CEP78: variants seen among roughly 807,000 people sequenced by gnomAD.
CEP78 encodes the protein centrosomal protein of 78 kDa.
In CEP78, 76 loss-of-function variants were observed where a neutral mutation model predicts 81.2. That is an observed-to-expected ratio of 0.94 (90% CI 0.78 to 1.13). The LOEUF (loss-of-function observed/expected upper bound fraction) is 1.13, where lower values mean the gene tolerates loss of function less well. Ranked by LOEUF, CEP78 falls within the 50% of genes most tolerant of loss-of-function variation. The probability of loss-of-function intolerance (pLI) is 0.00; values close to 1 mark genes in which losing one functional copy is unlikely to be tolerated. For missense variants in CEP78, 918 were observed against 846.8 expected (o/e 1.08, Z -1.04); for synonymous variants, 293 against 301.4 (o/e 0.97, Z 0.29).
Position 78,266,691 on chromosome 9 carries a change from A to C in CEP78, c.2095A>C (p.Lys699Gln), listed in dbSNP as rs747830661. The C allele has an allele frequency of 3.7e-6, 6 of 1,612,234 alleles. No individual in the cohort carries two copies. The highest frequency in any genetic ancestry group is 5.1e-6 in the Non-Finnish European group (6 of 1,179,116). Residue 699 changes from lysine to glutamine, a missense_variant, in exon 16 of 17, where the codon AAG (lysine) becomes CAG (glutamine). Physicochemically the swap from Lys to Gln is moderately conservative, Grantham distance 53. Transcript: ENST00000643273. ...AAATAGCAGATCTTCTTCAGAGAAA[A>C]AGACCAAAACAGGTGAATATACCAA... ...SRNSRSSSEK[K>Q]TKTESH
At chr9:78,255,421 A>G (rs1010219269) in intron 11 of CEP78, among the ~76,000 whole-genome samples, 3 of 152,042 alleles carry the variant, frequency 2.0e-5, no homozygotes, top group East Asian at 1.9e-4. Context: ...TTTTTTATAT[A>G]CTTACATGTA....
At chr9:78,252,797 A>G (rs548128076) in intron 9 of CEP78, among the ~76,000 whole-genome samples, 42 of 152,326 alleles carry the variant, frequency 2.8e-4, no homozygotes, top group Non-Finnish European at 4.9e-4. Flanking sequence ...GACTATACTT[A>G]TTTCACAACT....
chr9:78,267,431 C>T (rs1827589353), intron 16 of CEP78, among the ~76,000 whole-genome samples: 1 of 152,152 alleles, frequency 6.6e-6, no homozygotes, highest in African/African-American at 2.4e-5. Context: ...TTGACATATT[C>T]TAATATATAA....
chr9:78,247,466 A>G (rs531653670), intron 6 of CEP78, among the ~76,000 whole-genome samples: 8 of 152,282 alleles, frequency 5.3e-5, no homozygotes, highest in African/African-American at 1.4e-4. Flanking sequence ...AAGAAGGCCA[A>G]TATGGTTGGG....
At chr9:78,248,675 A>T (rs1336897007) in intron 7 of CEP78, 87 bp from the exon 8 acceptor site, 1 of 735,128 alleles carries the variant, frequency 1.4e-6, no homozygotes, top group African/African-American at 1.8e-5. Flanking sequence ...TTTTATTAAC[A>T]TAGAGTATCT....
At chr9:78,258,578 ATAAG>A (rs1479795834) in intron 11 of CEP78, among the ~76,000 whole-genome samples, 1 of 152,220 alleles carries the variant, frequency 6.6e-6, no homozygotes, top group Admixed American at 6.5e-5. Flanking sequence ...AAGTAAGTAA[ATAAG>A]TAAGAATGAA....
In CEP78 at chr9:78,265,886, A is replaced by T. The variant is rs371411793; in HGVS notation, c.1825A>T (p.Asn609Tyr). Residue 609 changes from asparagine (N) to tyrosine (Y), a missense_variant, in exon 15 of 17, where the codon AAT becomes TAT. By Grantham distance (143) the Asn-to-Tyr change is moderately radical. Transcript: ENST00000643273. ...QVSICMQSAYNEGTLMKFQKI... is the reference protein window; with the variant it reads ...QVSICMQSAYYEGTLMKFQKI... ...TTCTATTTGTATGCAGTCAGCTTAC[A>T]ATGAAGGAACACTAATGAAGGTACA... 7.2e-7 allele frequency: 1 copy of T among 1,398,208 alleles called. No homozygotes were observed. The highest frequency in any genetic ancestry group is 9.9e-7 in the Non-Finnish European group (1 of 1,006,778). 86.6% of individuals were successfully genotyped at this position (1,398,208 alleles called of 1,614,324 possible).
Position 78,236,396 on chromosome 9 carries a change from T to C in CEP78, c.46T>C (p.Phe16Leu). Residue 16 changes from phenylalanine (F) to leucine (L), a missense_variant, in exon 1 of 17, where the codon TTC (phenylalanine) becomes CTC (leucine). Coordinates refer to ENST00000643273, the MANE Select transcript of CEP78 (RefSeq NM_001330691.3). ...GCGCCGCGACAGCGCGGCGGACTTC[T>C]TCTCCCACTACGAGTACCTGTGCGC... ...KLRRDSAADF[F>L]SHYEYLCALQ... 6.3e-7 allele frequency: 1 copy of C among 1,595,628 alleles called. No homozygotes were observed. Among genetic ancestry groups the C allele is most frequent in the South Asian group, 1.1e-5 (1 of 88,498 alleles).
In CEP78 at chr9:78,248,800, C is replaced by G; in HGVS notation, c.996C>G (p.Ser332=). ...CTTCTCCATCAGTGAAGGAACCATC[C>G]AAAACTGCTAAACAGAAAAGGAGAA... The part of the protein sequence containing the change: ...WITSPSVKEP[S]KTAKQKRRTI... The change falls in exon 8 of 17, where the codon TCC becomes TCG. Residue 332 remains serine (S), a synonymous_variant. Coordinates refer to ENST00000643273, the MANE Select transcript of CEP78 (RefSeq NM_001330691.3). 1 of 1,597,530 alleles carries G rather than the reference C, an allele frequency of 6.3e-7. No homozygotes were observed. Among genetic ancestry groups the G allele is most frequent in the Non-Finnish European group, 8.5e-7 (1 of 1,172,276 alleles).
intron 3 of CEP78, among the ~76,000 whole-genome samples, chr9:78,241,273 G>A (rs759348745): frequency 6.6e-6 from 1 of 152,122 alleles, no homozygotes; most frequent in Non-Finnish European, 1.5e-5. Context: ...AGTACATTAG[G>A]TGCTCTAGTA....
In CEP78 at chr9:78,272,042, CT is replaced by C. The variant is rs1452580148; in HGVS notation, c.*1192del. 2.0e-5 allele frequency: 3 copies of C among 152,262 alleles called. No homozygotes were observed. Among genetic ancestry groups the C allele is most frequent in the Non-Finnish European group, 4.4e-5 (3 of 68,120 alleles). The allele number at this position is 152,262 out of a possible 1,614,324, so 9.4% of individuals were successfully genotyped here. On this transcript the variant is annotated 3_prime_UTR_variant, in exon 17 of 17. Transcript: ENST00000643273. ...AAGTGATCTTCCTGCCTCAGCCCCCCTAGTAACTGGGATTACAGGCACACAC... is the reference window on the plus strand; with the variant it reads ...AAGTGATCTTCCTGCCTCAGCCCCCCAGTAACTGGGATTACAGGCACACAC...
At chr9:78,265,956 ACAGG>A (rs1371317007) in intron 15 of CEP78, 50 bp downstream of exon 15, 1 of 892,434 alleles carries the variant, frequency 1.1e-6, no homozygotes, top group East Asian at 2.6e-5. Context: ...TTCATATATA[ACAGG>A]CAGTATATTA....
intron 13 of CEP78, among the ~76,000 whole-genome samples, chr9:78,264,811 G>A (rs1418201225): frequency 6.6e-6 from 1 of 152,126 alleles, no homozygotes; most frequent in African/African-American, 2.4e-5. Flanking sequence ...TTAAAATTAA[G>A]TTTGAGATAT....
chr9:78,249,824 A>C (rs575668091), intron 8 of CEP78: 1 of 153,048 alleles, frequency 6.5e-6, no homozygotes, highest in Non-Finnish European at 1.5e-5. Flanking sequence ...CATGAAGACT[A>C]CTACAGAGAA....
intron 11 of CEP78, among the ~76,000 whole-genome samples, chr9:78,259,693 A>G (rs1281472168): frequency 1.3e-5 from 2 of 152,170 alleles, no homozygotes; most frequent in Non-Finnish European, 2.9e-5. Flanking sequence ...TGATACATGA[A>G]TTTATCTCCA....
Position 78,259,608 on chromosome 9 carries a change from G to A in CEP78, c.1381-3299G>A, listed in dbSNP as rs562417139. 3.9e-5 allele frequency among the ~76,000 whole-genome samples: 6 copies of A among 152,212 alleles called. No homozygotes were observed. The South Asian group carries it at 8.3e-4, about 21-fold the overall frequency. On this transcript the variant is annotated intron_variant, in intron 11 of 16. Transcript: ENST00000643273. Reference sequence around the variant, plus strand: ...CTGTTCGTATGTTTATTCATTTTGCGTTGATCATATTTTGTACACCAGGCA... The same window carrying A: ...CTGTTCGTATGTTTATTCATTTTGCATTGATCATATTTTGTACACCAGGCA...
chr9:78,236,406 A>T lies in CEP78; in HGVS notation c.56A>T (p.Tyr19Phe). 1 of 1,597,538 alleles carries T rather than the reference A, an allele frequency of 6.3e-7. No homozygotes were observed. The highest frequency in any genetic ancestry group is 8.5e-7 in the Non-Finnish European group (1 of 1,172,852). Residue 19 changes from tyrosine to phenylalanine, a missense_variant, in exon 1 of 17, where the codon TAC (tyrosine) becomes TTC (phenylalanine). By Grantham distance (22) the Tyr-to-Phe change is conservative (BLOSUM62 3). Transcript: ENST00000643273. ...RDSAADFFSH[Y>F]EYLCALQNSV... Reference sequence around the variant, plus strand: ...AGCGCGGCGGACTTCTTCTCCCACTACGAGTACCTGTGCGCGCTGCAGAAC... The same window carrying T: ...AGCGCGGCGGACTTCTTCTCCCACTTCGAGTACCTGTGCGCGCTGCAGAAC...
chr9:78,263,699 G>A lies in CEP78; in HGVS notation c.1459-451G>A, dbSNP rs762524870. Among the ~76,000 whole-genome samples, 4 of 152,092 alleles carry A rather than the reference G, an allele frequency of 2.6e-5. No individual in the cohort carries two copies. The South Asian group carries it at 8.3e-4, about 31-fold the overall frequency. Reference sequence around the variant, plus strand: ...ACAGGAGAGTACATATTTTCAAGAAGCAAAGGGGCAATATTGGTAATTGTA... The same window carrying A: ...ACAGGAGAGTACATATTTTCAAGAAACAAAGGGGCAATATTGGTAATTGTA... On this transcript the variant is annotated intron_variant, in intron 12 of 16. Coordinates refer to ENST00000643273, the MANE Select transcript of CEP78 (RefSeq NM_001330691.3).
chr9:78,251,879 ATTCT>A, intron 8 of CEP78, 25 bp from the exon 9 acceptor site: 2 of 1,590,446 alleles, frequency 1.3e-6, no homozygotes, highest in Non-Finnish European at 1.7e-6. Flanking sequence ...GTGCATCTTG[ATTCT>A]TTCTTTTTAA....
Sources: allele counts gnomAD v4.1 joint callset (sites outside exome capture counted in the v4.1 genomes callset), GRCh38; gene constraint gnomAD v4.1.1; transcripts MANE v1.5; gene names NCBI Gene and HGNC (gene_info 2026-07-23, HGNC 2026-07-21).